The following SIGLEC8 variants were observed in gnomAD, a reference collection of about 807,000 sequenced individuals.
The protein encoded by SIGLEC8 is sialic acid-binding Ig-like lectin 8.
SIGLEC8 carries 32 observed loss-of-function variants against 42.1 expected under a neutral mutation model. The ratio of observed to expected loss-of-function variants is 0.76; its 90% CI spans 0.57 to 1.02. SIGLEC8 has a LOEUF of 1.02. Ranked by LOEUF, SIGLEC8 falls within the 50% of genes least tolerant of loss-of-function variation. The probability of loss-of-function intolerance (pLI) is 0.00; values close to 1 mark genes in which losing one functional copy is unlikely to be tolerated. For synonymous variants in SIGLEC8, 262 were observed against 260.3 expected, an observed-to-expected ratio of 1.01 and a Z score of -0.06; for missense variants, 611 against 610.2, an observed-to-expected ratio of 1.00 and a Z score of -0.01.
rs749059811 is a variant in SIGLEC8 at position 51,452,563 on chromosome 19, G to C, written c.1316C>G (p.Ser439Ter). 1 of 1,587,378 alleles carries C rather than the reference G, an allele frequency of 6.3e-7. No individual in the cohort carries two copies. Among genetic ancestry groups the C allele is most frequent in the East Asian group, 2.3e-5 (1 of 44,158 alleles). The change falls in exon 7 of 7, where the codon TCA (serine) becomes TGA (stop). Residue 439 changes from serine to a stop codon, truncating the protein, a stop_gained. Coordinates refer to ENST00000321424, the MANE Select transcript of SIGLEC8 (RefSeq NM_014442.3). LOFTEE classifies it low-confidence loss of function (END_TRUNC). ...ATAATGGAGCTCTCCTTCCTCCCCT[G>C]ACGAGGGGGCAACAGCTGGGGGAGG... ...KKPPPAVAPS[S>*]GEEGELHYAT...
chr19:51,457,357 A>G (rs1232062092), intron 2 of SIGLEC8, 104 bp downstream of exon 2: 3 of 1,512,738 alleles, frequency 2.0e-6, no homozygotes, highest in Middle Eastern at 1.9e-4. Context: ...CCCAGCCCAG[A>G]TTCTGGGACC....
Position 51,451,248 on chromosome 19 carries a change from GGGATTATAA to G in SIGLEC8, c.*1122_*1130del, listed in dbSNP as rs1178157399. 2.0e-5 allele frequency: 3 copies of G among 152,150 alleles called. No individual in the cohort carries two copies. The highest frequency in any genetic ancestry group is 4.4e-5 in the Non-Finnish European group (3 of 68,006). The allele number at this position is 152,150 out of a possible 1,614,324, so 9.4% of individuals were successfully genotyped here. A position where few individuals can be genotyped will look rare whatever the true frequency, so the allele number is the denominator to read the frequency against. On this transcript the variant is annotated 3_prime_UTR_variant, in exon 7 of 7. Transcript: ENST00000321424. ...CACCAGGTCCCTCCCCCAACACATGGGGATTATAATTCTGATTACAATTCTAGATAAGAT... is the reference window on the plus strand; with the variant it reads ...CACCAGGTCCCTCCCCCAACACATGGTTCTGATTACAATTCTAGATAAGAT...
chr19:51,452,315 A>G lies in SIGLEC8; in HGVS notation c.*64T>C. On this transcript the variant is annotated 3_prime_UTR_variant, in exon 7 of 7. Transcript: ENST00000321424. ...TTGGTCCAAGTTTTGGTTAGACAGG[A>G]GGAGGGAGCCCTGGTGACCTACTGC... The G allele has an allele frequency of 1.4e-6, 2 of 1,411,800 alleles. No homozygotes were observed. The highest frequency in any genetic ancestry group is 1.9e-6 in the Non-Finnish European group (2 of 1,042,994). 87.5% of individuals were successfully genotyped at this position (1,411,800 alleles called of 1,614,324 possible).
intron 6 of SIGLEC8, 58 bp from the exon 7 acceptor site, chr19:51,452,691 G>A (rs1033190484): frequency 2.1e-6 from 3 of 1,421,934 alleles, no homozygotes; most frequent in East Asian, 2.4e-5. Context: ...ATGAGGCAGG[G>A]AGAGTCCAGG....
intron 6 of SIGLEC8, among the ~76,000 whole-genome samples, chr19:51,452,960 C>T (rs1218098460): frequency 6.6e-6 from 1 of 152,168 alleles, no homozygotes; most frequent in Non-Finnish European, 1.5e-5. Context: ...TCCTTCTGAC[C>T]CCAAAGCCTG....
Position 51,454,264 on chromosome 19 carries a change from A to G in SIGLEC8, c.1200T>C (p.Asp400=). The part of the protein sequence containing the change: ...KSARPAAGVG[D]TGMEDAKAIR... ...TGGCCTTTGCATCTTCCATGCCTGT[A>G]TCCCCCACGCCCGCTGCTGGCCTTG... The change falls in exon 6 of 7, where the codon GAT becomes GAC. Residue 400 remains aspartate, a synonymous_variant. Transcript: ENST00000321424. This position sits in a 1 kb window ranked among gnomAD's most constrained non-coding sequence, Gnocchi z 4.7. 2 of 1,614,070 alleles carry G rather than the reference A, an allele frequency of 1.2e-6. No homozygotes were observed. The highest frequency in any genetic ancestry group is 8.5e-7 in the Non-Finnish European group (1 of 1,180,018).
chr19:51,452,290 T>C lies in SIGLEC8; in HGVS notation c.*89A>G. On this transcript the variant is annotated 3_prime_UTR_variant, in exon 7 of 7. Coordinates refer to ENST00000321424, the MANE Select transcript of SIGLEC8 (RefSeq NM_014442.3). ...CTGGTAGCCGGGGAAAGGGGAGACA[T>C]TGGTCCAAGTTTTGGTTAGACAGGA... The C allele has an allele frequency of 8.6e-7, 1 of 1,160,050 alleles. No homozygotes were observed. Among genetic ancestry groups the C allele is most frequent in the Non-Finnish European group, 1.2e-6 (1 of 824,816 alleles). 71.9% of individuals were successfully genotyped at this position (1,160,050 alleles called of 1,614,324 possible).
rs553170554 is a variant in SIGLEC8, at chr19:51,457,230, G to T, written c.735C>A (p.Tyr245Ter). ...CAGTCATGGTCAAGTTCCAAGGAGG[G>T]TCTGGGACAGAAAGACATGAAGACC... ...TTSTVRLDVS[Y>*]PPWNLTMTVF... Residue 245 changes from tyrosine (Y) to a stop codon, truncating the protein, a stop_gained and splice_region_variant, in exon 3 of 7, where the codon TAC (tyrosine) becomes TAA (stop). Coordinates refer to ENST00000321424, the MANE Select transcript of SIGLEC8 (RefSeq NM_014442.3). LOFTEE classifies it high-confidence loss of function. 8 of 1,613,240 alleles carry T rather than the reference G, an allele frequency of 5.0e-6. No homozygotes were observed. In the Admixed American group the frequency reaches 8.3e-5, roughly 17 times the overall value.
At position 51,457,513 on chromosome 19, in the gene SIGLEC8, G is replaced by C; in HGVS notation, c.681C>G (p.Thr227=). The C allele has an allele frequency of 6.2e-7, 1 of 1,613,942 alleles. No individual in the cohort carries two copies. Among genetic ancestry groups the C allele is most frequent in the East Asian group, 2.2e-5 (1 of 44,870 alleles). ...DHGTSLTCQV[T]LPGTGVTTTS... ...TCGTGGTCACACCTGTCCCAGGCAAGGTCACCTGACAGGTGAGGCTGGTGC... is the reference window on the plus strand; with the variant it reads ...TCGTGGTCACACCTGTCCCAGGCAACGTCACCTGACAGGTGAGGCTGGTGC... Residue 227 remains threonine (T), a synonymous_variant, in exon 2 of 7, where the codon ACC becomes ACG. Transcript: ENST00000321424.
chr19:51,454,734 TC>T lies in SIGLEC8; in HGVS notation c.1097del (p.Gly366GlufsTer18). 6.2e-7 allele frequency: 1 copy of T among 1,613,622 alleles called. No homozygotes were observed. Among genetic ancestry groups the T allele is most frequent in the South Asian group, 1.1e-5 (1 of 91,052 alleles). ...GGAAGGCCAGGGCTGTGGCTCCAGCTCCCCCGACTGCTGCCAGTGTCACTTG... is the reference window on the plus strand; with the variant it reads ...GGAAGGCCAGGGCTGTGGCTCCAGCTCCCCGACTGCTGCCAGTGTCACTTG... ...VSQVTLAAVGGAGATALAFLS... is the reference protein window; with the variant it reads ...VSQVTLAAVGXAGATALAFLS... On this transcript the variant is annotated frameshift_variant, in exon 5 of 7. Coordinates refer to ENST00000321424, the MANE Select transcript of SIGLEC8 (RefSeq NM_014442.3). LOFTEE classifies it high-confidence loss of function. This position sits in a 1 kb window ranked among gnomAD's most constrained non-coding sequence, Gnocchi z 4.7.
Position 51,454,620 on chromosome 19 carries a change from G to C in SIGLEC8, c.1148+64C>G. The stretch of plus-strand genomic sequence containing the variant: ...CCAGGTCCTTCCAGCTCTGGCTTCA[G>C]GGATTCTGTTCCCGGTCTGCCCTGC... On this transcript the variant is annotated intron_variant, in intron 5 of 6. Coordinates refer to ENST00000321424, the MANE Select transcript of SIGLEC8 (RefSeq NM_014442.3). This position sits in a 1 kb window ranked among gnomAD's most constrained non-coding sequence, Gnocchi z 4.7. The C allele has an allele frequency of 7.2e-7, 1 of 1,389,042 alleles. No individual in the cohort carries two copies. The highest frequency in any genetic ancestry group is 1.0e-6 in the Non-Finnish European group (1 of 976,764). 86.0% of individuals were successfully genotyped at this position (1,389,042 alleles called of 1,614,324 possible).
intron 6 of SIGLEC8, among the ~76,000 whole-genome samples, chr19:51,453,223 G>A (rs540857548): frequency 6.6e-6 from 1 of 152,012 alleles, no homozygotes. Context: ...CAAGTAGCTG[G>A]GACTGCAGGA....
In SIGLEC8 at chr19:51,452,206, C is replaced by T; in HGVS notation, c.*173G>A. The T allele has an allele frequency of 1.9e-6, 1 of 513,404 alleles. No individual in the cohort carries two copies. The highest frequency in any genetic ancestry group is 3.5e-6 in the Non-Finnish European group (1 of 288,298). The allele number at this position is 513,404 out of a possible 1,614,324, so 31.8% of individuals were successfully genotyped here. ...TCTATGTGGAATCTAAAATAGTCAA[C>T]CTCAGAGAGGTCGAGAGGAGAATGG... On this transcript the variant is annotated 3_prime_UTR_variant, in exon 7 of 7. Coordinates refer to ENST00000321424, the MANE Select transcript of SIGLEC8 (RefSeq NM_014442.3).
Position 51,457,060 on chromosome 19 carries a change from G to T in SIGLEC8, c.781+124C>A, listed in dbSNP as rs4396633. The T allele has an allele frequency of 3.3e-3, 2,906 of 890,180 alleles. 39 individuals carry two copies. Among genetic ancestry groups the T allele is most frequent in the African/African-American group, 0.026 (1,582 of 61,100 alleles). 55.1% of individuals were successfully genotyped at this position (890,180 alleles called of 1,614,324 possible). A position where few individuals can be genotyped will look rare whatever the true frequency, so the allele number is the denominator to read the frequency against. On this transcript the variant is annotated intron_variant, in intron 3 of 6. Transcript: ENST00000321424. ...GCGGGCTGGAGATGTGGGCTCTTGT[G>T]CCCTGGGCTCACGCACAGTGGCAGC... is the stretch of plus-strand genomic sequence containing the variant.
rs548412084 is a variant in SIGLEC8 at position 51,457,919 on chromosome 19, G to A, written c.454+15C>T. The A allele has an allele frequency of 1.2e-6, 2 of 1,612,630 alleles. No homozygotes were observed. Among genetic ancestry groups the A allele is most frequent in the African/African-American group, 2.7e-5 (2 of 74,968 alleles). On this transcript the variant is annotated intron_variant, in intron 1 of 6. Coordinates refer to ENST00000321424, the MANE Select transcript of SIGLEC8 (RefSeq NM_014442.3). ...TGACCTTCCCCTGTGGCCTGTGCTG[G>A]AGCCCGTGCCTTACCTGTCACAAAC...
At chr19:51,455,776 G>T in intron 3 of SIGLEC8, 89 bp from the exon 4 acceptor site, 1 of 1,216,238 alleles carries the variant, frequency 8.2e-7, no homozygotes, top group Non-Finnish European at 1.2e-6. Flanking sequence ...ACATGCACAT[G>T]TATGTTTATT....
In SIGLEC8 at chr19:51,452,703, A is replaced by T. The variant is rs145196305; in HGVS notation, c.1246-70T>A. The T allele has an allele frequency of 9.9e-4, 1,333 of 1,344,310 alleles. 10 individuals are homozygous for T. In the African/African-American group the frequency reaches 0.017, roughly 18 times the overall value. 83.3% of individuals were successfully genotyped at this position (1,344,310 alleles called of 1,614,324 possible). A position where few individuals can be genotyped will look rare whatever the true frequency, so the allele number is the denominator to read the frequency against. On this transcript the variant is annotated intron_variant, in intron 6 of 6. Transcript: ENST00000321424. ...AGGATGAGGCAGGGAGAGTCCAGGA[A>T]GGAGGCCCAGGAGGTCCGTCCTCCA...
Position 51,457,190 on chromosome 19 carries a change from C to G in SIGLEC8, c.775G>C (p.Ala259Pro). The G allele has an allele frequency of 6.2e-7, 1 of 1,613,894 alleles. No individual in the cohort carries two copies. The highest frequency in any genetic ancestry group is 8.5e-7 in the Non-Finnish European group (1 of 1,179,872). Residue 259 changes from alanine (A) to proline (P), a missense_variant, in exon 3 of 7, where the codon GCC (alanine) becomes CCC (proline). Physicochemically the swap from Ala to Pro is conservative, Grantham distance 27. Coordinates refer to ENST00000321424, the MANE Select transcript of SIGLEC8 (RefSeq NM_014442.3). ...GGAGGGGGCTCTGTCCTACCTGTGG[C>G]ATCTCCTTGGAAGACAGTCATGGTC... Reference protein sequence around the residue: ...NLTMTVFQGDATASTALGNGS... With the variant: ...NLTMTVFQGDPTASTALGNGS...
chr19:51,453,068 T>TTTTTG lies in SIGLEC8; in HGVS notation c.1246-440_1246-436dup, dbSNP rs1008491776. The stretch of plus-strand genomic sequence containing the variant: ...TGGGCCCTGACCTCCTGCAGCTCAG[T>TTTTTG]TTTTGTTTTGTTTTGTTTTGTTTTT... On this transcript the variant is annotated intron_variant, in intron 6 of 6. Transcript: ENST00000321424. Among the ~76,000 whole-genome samples the TTTTTG allele has an allele frequency of 1.7e-3, 258 of 151,618 alleles. 1 individual carries two copies. Among genetic ancestry groups the TTTTTG allele is most frequent in the East Asian group, 0.015 (75 of 5,022 alleles).
Sources: gnomAD v4.1 joint callset for allele counts (sites outside exome capture counted in the v4.1 genomes callset) on GRCh38, gnomAD v4.1.1 for gene constraint, Gnocchi (gnomAD v3.1) non-coding constraint, MANE v1.5 for transcripts, NCBI Gene and HGNC (gene_info 2026-07-23, HGNC 2026-07-21) for gene names.